The following NOTCH2NLR variants were observed in gnomAD, a reference collection of about 807,000 sequenced individuals.
NOTCH2NLR encodes the protein notch 2 N-terminal like R (pseudogene).
Under a neutral mutation model 35.6 loss-of-function variants are expected in NOTCH2NLR, and 33 were observed. That is an observed-to-expected ratio of 0.93 (90% CI 0.70 to 1.24). The LOEUF is 1.24. NOTCH2NLR is among the 50% of genes most tolerant of loss of function. The probability of loss-of-function intolerance (pLI) is 0.00; values close to 1 mark genes in which losing one functional copy is unlikely to be tolerated. For missense variants in NOTCH2NLR, 276 were observed against 362.2 expected (o/e 0.76, Z 1.93); for synonymous variants, 103 against 141.0 (o/e 0.73, Z 1.91).
intron 1 of NOTCH2NLR, among the ~76,000 whole-genome samples, chr1:120,752,559 T>A (rs1651034011): frequency 5.8e-4 from 14 of 24,080 alleles, no homozygotes; most frequent in African/African-American, 4.1e-3. Flanking sequence ...TATATATTTT[T>A]TTTTTTTTTT....
chr1:120,747,810 G>A lies in NOTCH2NLR; in HGVS notation c.74-15818G>A. 6.7e-5 allele frequency among the ~76,000 whole-genome samples: 2 copies of A among 29,964 alleles called. 1 individual carries two copies. The highest frequency in any genetic ancestry group is 1.7e-3 in the East Asian group (2 of 1,204). 19.7% of individuals were successfully genotyped at this position (29,964 alleles called of 152,430 possible). A position where few individuals can be genotyped will look rare whatever the true frequency, so the allele number is the denominator to read the frequency against. On this transcript the variant is annotated intron_variant, in intron 1 of 4. Coordinates refer to ENST00000624419, the Ensembl canonical transcript of NOTCH2NLR. The stretch of plus-strand genomic sequence containing the variant: ...GTCTAAGATATTTGTTCTTTTGTTT[G>A]TAGCTTATCTTTTACTCCCCACGTT...
intron 2 of NOTCH2NLR, among the ~76,000 whole-genome samples, chr1:120,765,882 A>T (rs1328300773): frequency 8.7e-6 from 1 of 114,692 alleles, no homozygotes; most frequent in African/African-American, 4.6e-5. Context: ...ACACAGGAAC[A>T]GAAAACCAAA....
At chr1:120,755,947 T>G (rs1365524399) in intron 1 of NOTCH2NLR, among the ~76,000 whole-genome samples, 1 of 108,292 alleles carries the variant, frequency 9.2e-6, no homozygotes, top group Admixed American at 8.9e-5. Context: ...TTTTTTTTTT[T>G]TTTTTTTTCC....
intron 1 of NOTCH2NLR, among the ~76,000 whole-genome samples, chr1:120,752,561 T>A (rs1651034079): frequency 1.9e-4 from 5 of 26,390 alleles, no homozygotes; most frequent in African/African-American, 1.5e-3. Flanking sequence ...TATATTTTTT[T>A]TTTTTTTTTT....
At chr1:120,728,877 A>C (rs1238787014) in intron 1 of NOTCH2NLR, among the ~76,000 whole-genome samples, 1 of 110,002 alleles carries the variant, frequency 9.1e-6, no homozygotes, top group Non-Finnish European at 1.7e-5. Context: ...AAGGTGAAAT[A>C]TGATGAATAA....
chr1:120,793,442 G>A (rs2101472845), exon 4 of NOTCH2NLR: 1 of 1,441,240 alleles, frequency 6.9e-7, no homozygotes, highest in South Asian at 1.2e-5. Context: ...TTGTGTCAAT[G>A]GAGGCACCTG....
intron 2 of NOTCH2NLR, among the ~76,000 whole-genome samples, chr1:120,778,071 T>C (rs1377695239): frequency 0.021 from 1,854 of 86,556 alleles, 416 homozygotes; most frequent in East Asian, 0.18. Context: ...GCAATTACTT[T>C]TATCTACTTT....
At chr1:120,756,637 A>G (rs1651083443) in intron 1 of NOTCH2NLR, among the ~76,000 whole-genome samples, 1 of 118,366 alleles carries the variant, frequency 8.4e-6, no homozygotes, top group Non-Finnish European at 1.6e-5. Context: ...CTCAGATTAC[A>G]CTGGCTGAAG....
At chr1:120,783,431 A>G (rs1651387904) in intron 2 of NOTCH2NLR, among the ~76,000 whole-genome samples, 1 of 21,564 alleles carries the variant, frequency 4.6e-5, no homozygotes, top group Non-Finnish European at 7.6e-5. Context: ...TCAGTTAACA[A>G]GTCTTGTCAG....
chr1:120,728,736 G>C (rs1650842865), intron 1 of NOTCH2NLR, among the ~76,000 whole-genome samples: 1 of 115,806 alleles, frequency 8.6e-6, no homozygotes, highest in Non-Finnish European at 1.6e-5. Flanking sequence ...ATTTTTTTGA[G>C]ATTTTTTTCA....
In NOTCH2NLR at chr1:120,792,925, A is replaced by G. The variant is rs1469587520; in HGVS notation, c.416-236A>G. 2.7e-4 allele frequency among the ~76,000 whole-genome samples: 17 copies of G among 63,432 alleles called. 4 individuals are homozygous for G. The highest frequency in any genetic ancestry group is 1.5e-3 in the South Asian group (4 of 2,650). The allele number at this position is 63,432 out of a possible 152,430, so 41.6% of individuals were successfully genotyped here. On this transcript the variant is annotated intron_variant, in intron 3 of 4. Coordinates refer to ENST00000624419, the Ensembl canonical transcript of NOTCH2NLR. ...TGGGCTTCAATGTGACTAACCTACA[A>G]TTGCCTCCAGGTGCTCCACCCACTG...
At position 120,784,793 on chromosome 1, in the gene NOTCH2NLR, G is replaced by T. The variant is rs1380627280; in HGVS notation, c.156-181G>T. ...TGCCAGGACTCAAAAGGACATGGGA[G>T]TACGTGGTTAAGTTCTCTAAGGACT... On this transcript the variant is annotated intron_variant, in intron 2 of 4. Coordinates refer to ENST00000624419, the Ensembl canonical transcript of NOTCH2NLR. Among the ~76,000 whole-genome samples the T allele has an allele frequency of 3.4e-5, 4 of 119,062 alleles. 1 individual carries two copies. In the East Asian group the frequency reaches 8.4e-4, roughly 25 times the overall value. The allele number at this position is 119,062 out of a possible 152,430, so 78.1% of individuals were successfully genotyped here.
intron 2 of NOTCH2NLR, among the ~76,000 whole-genome samples, chr1:120,768,258 A>G (rs1651216598): frequency 8.9e-6 from 1 of 112,134 alleles, no homozygotes; most frequent in African/African-American, 5.5e-5. Context: ...TGAGGGGCCT[A>G]CCAAGCCCTG....
intron 1 of NOTCH2NLR, among the ~76,000 whole-genome samples, chr1:120,745,115 G>T (rs1361181445): frequency 1.6e-5 from 1 of 64,438 alleles, no homozygotes; most frequent in Non-Finnish European, 2.7e-5. Flanking sequence ...GCAAGATCCT[G>T]TCTCCAAAAA....
At chr1:120,768,064 C>CA (rs1253364331) in intron 2 of NOTCH2NLR, among the ~76,000 whole-genome samples, 2 of 101,492 alleles carry the variant, frequency 2.0e-5, no homozygotes, top group Non-Finnish European at 3.6e-5. Context: ...GTTTATCTCC[C>CA]ACTAAAGAAT....
intron 3 of NOTCH2NLR, among the ~76,000 whole-genome samples, chr1:120,790,534 C>CCCTTCCTT (rs1357838637): frequency 1.1e-5 from 1 of 87,626 alleles, no homozygotes; most frequent in East Asian, 2.8e-4. Flanking sequence ...CTTTCTCCCT[C>CCCTTCCTT]CCTTTCTTTC....
chr1:120,768,163 C>T lies in NOTCH2NLR; in HGVS notation c.155+4454C>T, dbSNP rs1401832466. On this transcript the variant is annotated intron_variant, in intron 2 of 4. Coordinates refer to ENST00000624419, the Ensembl canonical transcript of NOTCH2NLR. The stretch of plus-strand genomic sequence containing the variant: ...TAGGGTGGGCCTACTTCTGTTCTGC[C>T]CTTAGTCCGATGACACAAATCTTAG... 8.1e-5 allele frequency among the ~76,000 whole-genome samples: 9 copies of T among 110,874 alleles called. 1 individual carries two copies. Among genetic ancestry groups the T allele is most frequent in the East Asian group, 2.2e-4 (1 of 4,568 alleles). The allele number at this position is 110,874 out of a possible 152,430, so 72.7% of individuals were successfully genotyped here. A position where few individuals can be genotyped will look rare whatever the true frequency, so the allele number is the denominator to read the frequency against.
chr1:120,768,232 G>T lies in NOTCH2NLR; in HGVS notation c.155+4523G>T, dbSNP rs1457547010. On this transcript the variant is annotated intron_variant, in intron 2 of 4. Transcript: ENST00000624419. ...ATTCCCAAGATGGGACCCTTCTAGG[G>T]GTTCAGTGGAAAGTGTGAGGGGCCT... Among the ~76,000 whole-genome samples, 71 of 114,098 alleles carry T rather than the reference G, an allele frequency of 6.2e-4. 17 individuals are homozygous for T. Among genetic ancestry groups the T allele is most frequent in the Non-Finnish European group, 1.0e-3 (62 of 60,102 alleles). 74.9% of individuals were successfully genotyped at this position (114,098 alleles called of 152,430 possible). A position where few individuals can be genotyped will look rare whatever the true frequency, so the allele number is the denominator to read the frequency against.
chr1:120,765,700 A>G (rs1651183581), intron 2 of NOTCH2NLR, among the ~76,000 whole-genome samples: 1 of 108,648 alleles, frequency 9.2e-6, no homozygotes, highest in Admixed American at 9.3e-5. Context: ...CTGCAGCACT[A>G]TTTACAGTAG....
Sources: allele counts gnomAD v4.1 joint callset (sites outside exome capture counted in the v4.1 genomes callset), GRCh38; gene constraint gnomAD v4.1.1; transcripts MANE v1.5; gene names NCBI Gene and HGNC (gene_info 2026-07-23, HGNC 2026-07-21).